The following JMJD1C variants were observed in gnomAD, a reference collection of about 807,000 sequenced individuals.
JMJD1C encodes the protein jumonji domain-containing protein 1C.
JMJD1C carries 31 observed loss-of-function variants against 245.3 expected under a neutral mutation model. The ratio of observed to expected loss-of-function variants is 0.13; its 90% CI spans 0.09 to 0.17. The LOEUF (loss-of-function observed/expected upper bound fraction) is 0.17. Ranked by LOEUF, JMJD1C falls within the 10% of genes least tolerant of loss-of-function variation. JMJD1C has a pLI of 1.00. For missense variants in JMJD1C, 2,691 were observed against 3,000.2 expected, an observed-to-expected ratio of 0.90 and a Z score of 2.41; for synonymous variants, 1,057 against 1,017.4, an observed-to-expected ratio of 1.04 and a Z score of -0.74.
At position 63,319,852 on chromosome 10, in the gene JMJD1C, C is replaced by T. The variant is rs58450258; in HGVS notation, c.334-55088G>A. 9.2e-3 allele frequency among the ~76,000 whole-genome samples: 1,404 copies of T among 152,300 alleles called. 18 individuals are homozygous for T. The highest frequency in any genetic ancestry group is 0.031 in the African/African-American group (1,284 of 41,552). On this transcript the variant is annotated intron_variant, in intron 2 of 25. Coordinates refer to ENST00000399262, the MANE Select transcript of JMJD1C (RefSeq NM_032776.3). ...CTATCTTGGCTCACTGCAACCTCCA[C>T]CTCCAGGTTCAAGCAATTCTCCTGC...
chr10:63,477,628 T>C (rs1953705422), intron 1 of JMJD1C, among the ~76,000 whole-genome samples: 2 of 148,926 alleles, frequency 1.3e-5, no homozygotes, highest in African/African-American at 4.9e-5. Context: ...AAATGGAGCA[T>C]AGATCTCAAC....
At position 63,168,124 on chromosome 10, in the gene JMJD1C, A is replaced by G. The variant is rs1564539872; in HGVS notation, c.7544T>C (p.Ile2515Thr). 8 of 1,599,836 alleles carry G rather than the reference A, an allele frequency of 5.0e-6. No individual in the cohort carries two copies. The highest frequency in any genetic ancestry group is 6.8e-6 in the Non-Finnish European group (8 of 1,168,184). Residue 2515 changes from isoleucine to threonine, a missense_variant, in exon 26 of 26, where the codon ATT (isoleucine) becomes ACT (threonine). By Grantham distance (89) the Ile-to-Thr change is moderately conservative. Coordinates refer to ENST00000399262, the MANE Select transcript of JMJD1C (RefSeq NM_032776.3). ...CATTTCTTTGACTGCATGATACAAA[A>G]TATTTTTAACCTGAAAGAGATGTTG... The part of the protein sequence containing the change: ...NYDDKLQVKN[I>T]LYHAVKEMVR...
chr10:63,460,048 G>A (rs952123306), intron 1 of JMJD1C, among the ~76,000 whole-genome samples: 2 of 152,118 alleles, frequency 1.3e-5, no homozygotes, highest in Non-Finnish European at 2.9e-5. Context: ...GAATCCCTCC[G>A]ACTGGATCCA....
chr10:63,438,459 C>T (rs940004638), intron 1 of JMJD1C, among the ~76,000 whole-genome samples: 1 of 152,134 alleles, frequency 6.6e-6, no homozygotes, highest in African/African-American at 2.4e-5. Context: ...TCTGCCTCAC[C>T]CCACACCCCA....
At chr10:63,459,506 T>C (rs1322389848) in intron 1 of JMJD1C, among the ~76,000 whole-genome samples, 2 of 152,344 alleles carry the variant, frequency 1.3e-5, no homozygotes, top group South Asian at 2.1e-4. Flanking sequence ...CAATGCTATT[T>C]CTTATTTGTA....
In JMJD1C at chr10:63,429,035, C is replaced by T. The variant is rs750850268; in HGVS notation, c.168+36460G>A. 2.7e-4 allele frequency among the ~76,000 whole-genome samples: 41 copies of T among 152,138 alleles called. 1 individual carries two copies. Among genetic ancestry groups the T allele is most frequent in the Non-Finnish European group, 5.0e-4 (34 of 68,020 alleles). ...CACTCTTGTTACCCAGGCTGGAGTG[C>T]AATGGCACGATCTCAGCTTACCGTA... On this transcript the variant is annotated intron_variant, in intron 1 of 25. Transcript: ENST00000399262.
chr10:63,312,630 AG>A (rs1471640176), intron 2 of JMJD1C, among the ~76,000 whole-genome samples: 2 of 152,218 alleles, frequency 1.3e-5, no homozygotes, highest in Non-Finnish European at 2.9e-5. Flanking sequence ...AAAGTTGTGA[AG>A]TGGAAATCTG....
intron 1 of JMJD1C, among the ~76,000 whole-genome samples, chr10:63,492,022 G>A (rs1354431296): frequency 6.6e-6 from 1 of 152,198 alleles, no homozygotes; most frequent in African/African-American, 2.4e-5. Flanking sequence ...AACATATAGA[G>A]TAAATTATAA....
intron 2 of JMJD1C, among the ~76,000 whole-genome samples, chr10:63,377,055 C>G (rs1238199845): frequency 6.6e-6 from 1 of 152,040 alleles, no homozygotes; most frequent in African/African-American, 2.4e-5. Flanking sequence ...ATGAAAAGAA[C>G]GTGGTGTATA....
intron 2 of JMJD1C, among the ~76,000 whole-genome samples, chr10:63,311,657 T>C (rs1939214812): frequency 6.6e-6 from 1 of 152,170 alleles, no homozygotes; most frequent in Non-Finnish European, 1.5e-5. Flanking sequence ...ATTTATACAG[T>C]ATGTCAGGTT....
chr10:63,465,502 T>C lies in JMJD1C; in HGVS notation c.161A>G (p.Asp54Gly). The change falls in exon 1 of 26, where the codon GAC becomes GGC. Residue 54 changes from aspartate (D) to glycine (G), a missense_variant. Physicochemically the swap from Asp to Gly is moderately conservative, Grantham distance 94 (BLOSUM62 -1). This residue lies in a region of JMJD1C where 135 missense variants were observed against 115.5 expected (regional missense o/e 1.17). Coordinates refer to ENST00000399262, the MANE Select transcript of JMJD1C (RefSeq NM_032776.3). Reference sequence around the variant, plus strand: ...GGGCGCTGACTCTCTTACCGCCAGGTCCGGATTGCGGCTGTCCCTGTGTGA... The same window carrying C: ...GGGCGCTGACTCTCTTACCGCCAGGCCCGGATTGCGGCTGTCCCTGTGTGA... ...AVSHRDSRNP[D>G]LAVYVEFDDL... 4.4e-6 allele frequency: 7 copies of C among 1,603,026 alleles called. No individual in the cohort carries two copies. Among genetic ancestry groups the C allele is most frequent in the Non-Finnish European group, 5.1e-6 (6 of 1,177,230 alleles).
At chr10:63,343,212 A>T (rs7922630) in intron 2 of JMJD1C, among the ~76,000 whole-genome samples, 3 of 152,078 alleles carry the variant, frequency 2.0e-5, no homozygotes, top group Non-Finnish European at 4.4e-5. Flanking sequence ...AAATTTTTTT[A>T]AAAATTGGCT....
At chr10:63,397,194 T>C (rs929351082) in intron 1 of JMJD1C, among the ~76,000 whole-genome samples, 3 of 152,174 alleles carry the variant, frequency 2.0e-5, no homozygotes, top group South Asian at 4.1e-4. Context: ...GTAACTATTA[T>C]TTATTGAACT....
chr10:63,298,351 G>C (rs1221967171), intron 2 of JMJD1C, among the ~76,000 whole-genome samples: 1 of 152,190 alleles, frequency 6.6e-6, no homozygotes, highest in South Asian at 2.1e-4. Context: ...GACATAAACA[G>C]GACCATGTCT....
chr10:63,459,098 T>C (rs1952612926), intron 1 of JMJD1C, among the ~76,000 whole-genome samples: 1 of 152,206 alleles, frequency 6.6e-6, no homozygotes, highest in African/African-American at 2.4e-5. Flanking sequence ...TATGGTAATA[T>C]AGCACAGTTC....
chr10:63,451,523 C>T (rs1448469335), intron 1 of JMJD1C, among the ~76,000 whole-genome samples: 1 of 152,048 alleles, frequency 6.6e-6, no homozygotes, highest in Admixed American at 6.6e-5. Flanking sequence ...TTGAAAAATA[C>T]AGTATAACAA....
chr10:63,344,338 AGC>A (rs747947924), intron 2 of JMJD1C, among the ~76,000 whole-genome samples: 21 of 152,194 alleles, frequency 1.4e-4, no homozygotes, highest in Non-Finnish European at 2.9e-4. Flanking sequence ...ACAGGTTTGT[AGC>A]CTCAGAACAA....
chr10:63,286,064 C>T (rs1284110710), intron 2 of JMJD1C, among the ~76,000 whole-genome samples: 1 of 152,162 alleles, frequency 6.6e-6, no homozygotes, highest in Non-Finnish European at 1.5e-5. Context: ...TGGGGTCCAG[C>T]AATCTGTGCT....
chr10:63,266,349 T>C (rs1855570144), intron 2 of JMJD1C, among the ~76,000 whole-genome samples: 1 of 152,090 alleles, frequency 6.6e-6, no homozygotes, highest in East Asian at 1.9e-4. Context: ...TCTACTGTTA[T>C]CATTTAACAC....
Sources: allele counts gnomAD v4.1 joint callset (sites outside exome capture counted in the v4.1 genomes callset), GRCh38; gene constraint gnomAD v4.1.1; regional missense constraint gnomAD v4.1.1; transcripts MANE v1.5; gene names NCBI Gene and HGNC (gene_info 2026-07-23, HGNC 2026-07-21).